MGAT4C: variants seen among roughly 807,000 people sequenced by gnomAD.
The protein encoded by MGAT4C is alpha-1,3-mannosyl-glycoprotein 4-beta-N-acetylglucosaminyltransferase C.
Under a neutral mutation model 40.1 loss-of-function variants are expected in MGAT4C, and 19 were observed. That is an observed-to-expected ratio of 0.47 (90% CI 0.33 to 0.70). The LOEUF (loss-of-function observed/expected upper bound fraction) is 0.70, where lower values mean the gene tolerates loss of function less well. Among genes scored for constraint, MGAT4C ranks in the 30% least tolerant of loss-of-function variants. The pLI is 0.02. For synonymous variants in MGAT4C, 181 were observed against 187.1 expected, an observed-to-expected ratio of 0.97 and a Z score of 0.27; for missense variants, 491 against 563.2, an observed-to-expected ratio of 0.87 and a Z score of 1.30.
At chr12:86,713,250 A>G (rs1183132219) in intron 2 of MGAT4C, among the ~76,000 whole-genome samples, 1 of 152,072 alleles carries the variant, frequency 6.6e-6, no homozygotes, top group African/African-American at 2.4e-5. Flanking sequence ...TTTGATATAA[A>G]GGTAGCTATG....
At chr12:86,012,274 C>G (rs949791798) in intron 2 of MGAT4C, among the ~76,000 whole-genome samples, 3 of 152,160 alleles carry the variant, frequency 2.0e-5, no homozygotes, top group African/African-American at 7.2e-5. Context: ...TTTTCAAAAA[C>G]AGCTTCATCA....
At chr12:86,827,965 C>T (rs537575962) in intron 1 of MGAT4C, among the ~76,000 whole-genome samples, 4 of 151,352 alleles carry the variant, frequency 2.6e-5, no homozygotes, top group African/African-American at 9.7e-5. Flanking sequence ...TAATTAGCCT[C>T]AGATGTCTAC....
intron 1 of MGAT4C, among the ~76,000 whole-genome samples, chr12:86,162,465 T>C (rs1024648496): frequency 6.6e-6 from 1 of 152,054 alleles, no homozygotes; most frequent in South Asian, 2.1e-4. Context: ...GACATAAATA[T>C]TGGAATAATA....
chr12:86,176,559 T>G (rs1004488212), intron 1 of MGAT4C, among the ~76,000 whole-genome samples: 6 of 152,066 alleles, frequency 3.9e-5, no homozygotes, highest in Non-Finnish European at 7.4e-5. Context: ...ACTCTATAGA[T>G]ATTTATCATA....
At chr12:86,728,134 C>T (rs2702779) in intron 1 of MGAT4C, among the ~76,000 whole-genome samples, 5,798 of 152,090 alleles carry the variant, frequency 0.038, 139 homozygotes, top group Non-Finnish European at 0.05. Flanking sequence ...GATGTGTTTA[C>T]GCAATAAATG....
intron 2 of MGAT4C, among the ~76,000 whole-genome samples, chr12:86,496,913 T>G (rs996164364): frequency 9.9e-5 from 15 of 151,996 alleles, no homozygotes; most frequent in African/African-American, 3.6e-4. Flanking sequence ...AAAACCATAT[T>G]GAACCCTAAT....
chr12:86,694,077 T>G (rs983127379), intron 2 of MGAT4C, among the ~76,000 whole-genome samples: 1 of 152,204 alleles, frequency 6.6e-6, no homozygotes, highest in East Asian at 1.9e-4. Flanking sequence ...TTCTGCCACA[T>G]GTACTGTTTA....
At chr12:86,652,313 G>C (rs552218453) in intron 2 of MGAT4C, among the ~76,000 whole-genome samples, 6 of 151,990 alleles carry the variant, frequency 3.9e-5, no homozygotes, top group African/African-American at 1.4e-4. Context: ...CTAAAGTCCA[G>C]CTAAAAAGAA....
intron 2 of MGAT4C, among the ~76,000 whole-genome samples, chr12:86,493,892 T>C (rs1248290857): frequency 6.6e-6 from 1 of 152,102 alleles, no homozygotes; most frequent in African/African-American, 2.4e-5. Context: ...CAGATGTTTG[T>C]GCATATGCTG....
intron 2 of MGAT4C, among the ~76,000 whole-genome samples, chr12:86,014,233 C>T (rs867944112): frequency 1.8e-4 from 27 of 152,230 alleles, no homozygotes; most frequent in African/African-American, 5.8e-4. Flanking sequence ...ATTTTGGCAA[C>T]GGCATTACAT....
chr12:86,204,878 C>A (rs839149), intron 1 of MGAT4C, among the ~76,000 whole-genome samples: 102,769 of 151,872 alleles, frequency 0.68, 35,067 homozygotes, highest in South Asian at 0.75. Flanking sequence ...CATACAGATA[C>A]ACAGTTTTTC....
intron 1 of MGAT4C, among the ~76,000 whole-genome samples, chr12:86,193,815 T>C (rs1889785023): frequency 6.6e-6 from 1 of 152,128 alleles, no homozygotes; most frequent in Admixed American, 6.5e-5. Context: ...TAAATTGAGG[T>C]TTCATTTGTA....
At chr12:86,469,601 C>G (rs1280444873) in intron 2 of MGAT4C, among the ~76,000 whole-genome samples, 1 of 152,040 alleles carries the variant, frequency 6.6e-6, no homozygotes, top group East Asian at 1.9e-4. Flanking sequence ...AGATTGGTAC[C>G]AAAGTAATTG....
chr12:86,270,241 C>A (rs889171624), intron 4 of MGAT4C, among the ~76,000 whole-genome samples: 1 of 151,798 alleles, frequency 6.6e-6, no homozygotes, highest in Non-Finnish European at 1.5e-5. Flanking sequence ...TAATTTTTGG[C>A]ACTTTTTTAG....
At chr12:86,828,866 A>G (rs1463095886) in intron 1 of MGAT4C, among the ~76,000 whole-genome samples, 4 of 151,564 alleles carry the variant, frequency 2.6e-5, no homozygotes, top group African/African-American at 9.7e-5. Context: ...TGAGAGGACT[A>G]TAAGTGGACA....
Position 86,701,467 on chromosome 12 carries a change from A to G in MGAT4C, c.-229+25742T>C, listed in dbSNP as rs1166144899. Reference sequence around the variant, plus strand: ...TTAGGGTGACATGAGCCGTACCCATATAAGACAGTAAACTTTGAGAACAAG... The same window carrying G: ...TTAGGGTGACATGAGCCGTACCCATGTAAGACAGTAAACTTTGAGAACAAG... On this transcript the variant is annotated intron_variant, in intron 2 of 7. Coordinates refer to the MGAT4C transcript ENST00000548651. 7.9e-5 allele frequency among the ~76,000 whole-genome samples: 12 copies of G among 152,298 alleles called. No individual in the cohort carries two copies. The East Asian group carries it at 1.4e-3, about 17-fold the overall frequency.
At chr12:86,721,614 A>C (rs1189884182) in intron 2 of MGAT4C, among the ~76,000 whole-genome samples, 1 of 152,126 alleles carries the variant, frequency 6.6e-6, no homozygotes, top group Non-Finnish European at 1.5e-5. Flanking sequence ...TCTGCCTTAC[A>C]TTACAAAGTC....
chr12:86,470,026 T>C (rs557211537), intron 2 of MGAT4C, among the ~76,000 whole-genome samples: 1 of 152,234 alleles, frequency 6.6e-6, no homozygotes, highest in African/African-American at 2.4e-5. Context: ...GCCTAAATAG[T>C]ATTCCGCTGT....
At chr12:86,539,441 G>A (rs1959135067) in intron 2 of MGAT4C, among the ~76,000 whole-genome samples, 1 of 152,160 alleles carries the variant, frequency 6.6e-6, no homozygotes, top group Non-Finnish European at 1.5e-5. Context: ...CATTTGGGTT[G>A]GTTCCAAGTC....
Sources: gnomAD v4.1 joint callset for allele counts (sites outside exome capture counted in the v4.1 genomes callset) on GRCh38, gnomAD v4.1.1 for gene constraint, MANE v1.5 for transcripts, NCBI Gene and HGNC (gene_info 2026-07-23, HGNC 2026-07-21) for gene names.